Variants in ZC3H7A observed in about 807,000 individuals in gnomAD.
ZC3H7A encodes zinc finger CCCH-type containing 7A.
ZC3H7A carries 44 observed loss-of-function variants against 125.5 expected under a neutral mutation model. The observed-to-expected ratio is 0.35, with a 90% CI of 0.28 to 0.45. The LOEUF (loss-of-function observed/expected upper bound fraction) is 0.45. Ranked by LOEUF, ZC3H7A falls within the 20% of genes least tolerant of loss-of-function variation. ZC3H7A has a pLI of 1.00. For synonymous variants in ZC3H7A, 399 were observed against 391.2 expected (o/e 1.02, Z -0.23); for missense variants, 977 against 1,170.7 (o/e 0.83, Z 2.41).
At position 11,751,441 on chromosome 16, in the gene ZC3H7A, T is replaced by A. The variant is rs113773992; in HGVS notation, c.2792A>T (p.His931Leu). ...GGCATCTCTTCTTTCTTCCCATTCA[T>A]GAAGTTCGGCATTTCCATGTGCAAA... is the stretch of plus-strand genomic sequence containing the variant. ...CKFAHGNAEL[H>L]EWEERRDALK... The change falls in exon 23 of 23, where the codon CAT becomes CTT. Residue 931 changes from histidine (H) to leucine (L), a missense_variant. Around this residue, in one of 3 missense-constraint regions of ZC3H7A, gnomAD observed 436 missense variants for 603.2 expected, o/e 0.72. Transcript: ENST00000355758. 7.4e-6 allele frequency: 12 copies of A among 1,614,236 alleles called. No individual in the cohort carries two copies. Among genetic ancestry groups the A allele is most frequent in the Non-Finnish European group, 1.0e-5 (12 of 1,180,044 alleles).
chr16:11,780,515 T>A (rs564661232), intron 3 of ZC3H7A, among the ~76,000 whole-genome samples: 1 of 152,270 alleles, frequency 6.6e-6, no homozygotes, highest in East Asian at 1.9e-4. Flanking sequence ...CTAAGCTGAT[T>A]AAATTATTTT....
At chr16:11,762,077 T>C (rs1426468718) in intron 17 of ZC3H7A, 34 bp from the exon 18 acceptor site, 2 of 1,543,712 alleles carry the variant, frequency 1.3e-6, no homozygotes, top group South Asian at 2.5e-5. Flanking sequence ...TTAATTTTTT[T>C]AACAGAAAAC....
chr16:11,761,777 T>A, intron 18 of ZC3H7A, 133 bp downstream of exon 18: 1 of 1,265,640 alleles, frequency 7.9e-7, no homozygotes, highest in South Asian at 1.4e-5. Flanking sequence ...TTCCCTTGTG[T>A]CTGTAATTAT....
rs149004346 is a variant in ZC3H7A at position 11,751,142 on chromosome 16, G to A, written c.*175C>T. Reference sequence around the variant, plus strand: ...CTGATGCCAGTGGTTCCGTGAGAGCGTGGCCAGGCCTGTGAAACAGCCCAT... The same window carrying A: ...CTGATGCCAGTGGTTCCGTGAGAGCATGGCCAGGCCTGTGAAACAGCCCAT... On this transcript the variant is annotated 3_prime_UTR_variant, in exon 23 of 23. Transcript: ENST00000355758. The A allele has an allele frequency of 6.8e-5, 40 of 585,842 alleles. No individual in the cohort carries two copies. The highest frequency in any genetic ancestry group is 8.3e-5 in the Non-Finnish European group (29 of 349,460). The allele number at this position is 585,842 out of a possible 1,614,324, so 36.3% of individuals were successfully genotyped here.
chr16:11,789,561 T>A (rs1447241306), intron 1 of ZC3H7A, among the ~76,000 whole-genome samples: 1 of 152,142 alleles, frequency 6.6e-6, no homozygotes, highest in African/African-American at 2.4e-5. Context: ...GCCGTGCATA[T>A]GTTCTTTTTT....
intron 21 of ZC3H7A, among the ~76,000 whole-genome samples, chr16:11,754,518 A>G (rs557272364): frequency 6.6e-6 from 1 of 152,024 alleles, no homozygotes; most frequent in East Asian, 1.9e-4. Flanking sequence ...CGGAGGTGCC[A>G]AAAAACAAGA....
chr16:11,766,235 G>C (rs2052855081), intron 13 of ZC3H7A, among the ~76,000 whole-genome samples: 1 of 152,202 alleles, frequency 6.6e-6, no homozygotes, highest in South Asian at 2.1e-4. Flanking sequence ...ATTCTGTTTA[G>C]AGAGAACTTA....
At chr16:11,764,295 T>C (rs2052814951) in intron 15 of ZC3H7A, among the ~76,000 whole-genome samples, 1 of 152,042 alleles carries the variant, frequency 6.6e-6, no homozygotes, top group Admixed American at 6.6e-5. Flanking sequence ...ACTCCTATAA[T>C]CCCAGCACTT....
At chr16:11,775,063 C>A (rs1324832494) in intron 7 of ZC3H7A, 50 bp from the exon 8 acceptor site, 1 of 1,602,194 alleles carries the variant, frequency 6.2e-7, no homozygotes, top group Non-Finnish European at 8.5e-7. Flanking sequence ...GACTCTAAGC[C>A]ATAAAACAAT....
intron 16 of ZC3H7A, chr16:11,762,977 T>G (rs1446925556): frequency 2.2e-6 from 1 of 454,646 alleles, no homozygotes; most frequent in Non-Finnish European, 3.9e-6. Context: ...TGTATCAACT[T>G]GTATCAGTAA....
At chr16:11,761,886 ATT>A in intron 18 of ZC3H7A, 22 bp downstream of exon 18, 13 of 1,605,030 alleles carry the variant, frequency 8.1e-6, no homozygotes, top group Non-Finnish European at 1.1e-5. Context: ...CAAAATAGGA[ATT>A]GTTTCCACAC....
At chr16:11,787,333 T>G (rs1428423358) in intron 1 of ZC3H7A, among the ~76,000 whole-genome samples, 1 of 152,176 alleles carries the variant, frequency 6.6e-6, no homozygotes, top group East Asian at 1.9e-4. Flanking sequence ...GACCATTAAC[T>G]GTCACTCTAC....
At chr16:11,760,215 T>C (rs2141166781) in intron 19 of ZC3H7A, among the ~76,000 whole-genome samples, 1 of 151,886 alleles carries the variant, frequency 6.6e-6, no homozygotes, top group African/African-American at 2.4e-5. Flanking sequence ...ACTGTAATGT[T>C]GCACAGTAGT....
chr16:11,780,163 C>A (rs556292806), intron 3 of ZC3H7A, among the ~76,000 whole-genome samples: 1 of 151,216 alleles, frequency 6.6e-6, no homozygotes, highest in African/African-American at 2.4e-5. Context: ...ACTCTGGCAC[C>A]CAGGCTGGAG....
chr16:11,765,116 C>G lies in ZC3H7A; in HGVS notation c.1757G>C (p.Arg586Thr), dbSNP rs765691833. Reference protein sequence around the residue: ...FDHKPRMISKRNKDNSTACSH... With the variant: ...FDHKPRMISKTNKDNSTACSH... ...ACAAGCAGTAGAATTATCTTTATTT[C>G]TTTTACTTATCATTCTAGGCTTATG... Residue 586 changes from arginine to threonine, a missense_variant, in exon 15 of 23, where the codon AGA becomes ACA. Physicochemically the swap from Arg to Thr is moderately conservative, Grantham distance 71 (BLOSUM62 -1). This residue lies in a region of ZC3H7A where 436 missense variants were observed against 603.2 expected (regional missense o/e 0.72). Transcript: ENST00000355758. This position sits in a 1 kb window ranked among gnomAD's most constrained non-coding sequence, Gnocchi z 4.8. The G allele has an allele frequency of 1.9e-6, 3 of 1,588,668 alleles. 1 individual carries two copies. In the Admixed American group the frequency reaches 5.4e-5, roughly 29 times the overall value.
chr16:11,764,177 C>T (rs2052812408), intron 15 of ZC3H7A, among the ~76,000 whole-genome samples: 1 of 152,148 alleles, frequency 6.6e-6, no homozygotes, highest in Admixed American at 6.5e-5. Context: ...CTTTGCGAGG[C>T]CAAGACGGGT....
chr16:11,793,439 A>G (rs1325981314), intron 1 of ZC3H7A, among the ~76,000 whole-genome samples: 1 of 151,648 alleles, frequency 6.6e-6, no homozygotes, highest in Non-Finnish European at 1.5e-5. Context: ...AGACTGAGGC[A>G]GAAGGATTGC....
intron 21 of ZC3H7A, among the ~76,000 whole-genome samples, chr16:11,754,477 G>A (rs1199587368): frequency 6.6e-6 from 1 of 151,868 alleles, no homozygotes; most frequent in East Asian, 1.9e-4. Context: ...AATGGGCAAT[G>A]AAACTGGATC....
At chr16:11,776,616 C>T in intron 5 of ZC3H7A, 84 bp from the exon 6 acceptor site, 1 of 1,497,760 alleles carries the variant, frequency 6.7e-7, no homozygotes, top group Non-Finnish European at 9.0e-7. Flanking sequence ...AGTTTCCCAT[C>T]AAGACACCTG....
Sources: allele counts gnomAD v4.1 joint callset (sites outside exome capture counted in the v4.1 genomes callset), GRCh38; gene constraint gnomAD v4.1.1; regional missense constraint gnomAD v4.1.1; non-coding constraint Gnocchi (gnomAD v3.1); transcripts MANE v1.5; gene names NCBI Gene and HGNC (gene_info 2026-07-23, HGNC 2026-07-21).